Variants in ADGB observed in about 807,000 individuals in gnomAD.
The protein encoded by ADGB is androglobin, also known as calpain-7-like protein.
ADGB carries 172 observed loss-of-function variants against 210.5 expected under a neutral mutation model. The observed-to-expected ratio is 0.82, with a 90% CI of 0.72 to 0.93. The LOEUF is 0.93. ADGB is among the 40% of genes least tolerant of loss of function. The pLI, the probability that ADGB is intolerant of heterozygous loss-of-function variation, is 0.00. For synonymous variants in ADGB, 658 were observed against 662.7 expected (o/e 0.99, Z 0.11); for missense variants, 2,025 against 1,964.8 (o/e 1.03, Z -0.58).
At chr6:146,691,443 A>ATATATAT (rs1562275550) in intron 11 of ADGB, among the ~76,000 whole-genome samples, 153 bp downstream of exon 11, 1 of 21,284 alleles carries the variant, frequency 4.7e-5, no homozygotes, top group African/African-American at 3.7e-4. Flanking sequence ...TATATATATA[A>ATATATAT]AAATATATAT....
chr6:146,814,986 C>G (rs1163413118), intron 35 of ADGB, 46 bp from the exon 36 acceptor site: 4 of 1,493,690 alleles, frequency 2.7e-6, no homozygotes, highest in African/African-American at 1.4e-5. Context: ...GGAACATAAG[C>G]CTTTACCAGT....
chr6:146,624,221 G>C (rs1340227868), intron 1 of ADGB, among the ~76,000 whole-genome samples: 2 of 151,706 alleles, frequency 1.3e-5, no homozygotes, highest in African/African-American at 4.8e-5. Flanking sequence ...TTTGTGGAAA[G>C]ATTTTTAAGA....
At chr6:146,807,257 G>C (rs1198200081) in intron 35 of ADGB, 1 of 759,374 alleles carries the variant, frequency 1.3e-6, no homozygotes, top group African/African-American at 1.8e-5. Context: ...AAGCTTTTGA[G>C]ACCATACACT....
Position 146,815,044 on chromosome 6 carries a change from G to T in ADGB, c.4831G>T (p.Glu1611Ter). Residue 1611 changes from glutamate (E) to a stop codon, truncating the protein, a stop_gained, in exon 36 of 36, where the codon GAA becomes TAA. Coordinates refer to ENST00000397944, the MANE Select transcript of ADGB (RefSeq NM_024694.4). LOFTEE classifies it low-confidence loss of function (END_TRUNC). ...TGCTTTGGAACAGGACTCCTTAGAT[G>T]AAGCCCGACAGAAAATTTTCGACAT... ...MYKEMQDSLD[E>*]ARQKIFDIRE... 6.5e-7 allele frequency: 1 copy of T among 1,544,716 alleles called. No homozygotes were observed.
intron 29 of ADGB, among the ~76,000 whole-genome samples, chr6:146,781,438 C>T (rs545922701): frequency 6.7e-6 from 1 of 148,868 alleles, no homozygotes; most frequent in South Asian, 2.1e-4. Context: ...GAGAAGAAAT[C>T]ACAAGAGAAA....
rs149330972 is a variant in ADGB at position 146,599,209 on chromosome 6, G to A, written c.74+95G>A. 1.6e-3 allele frequency: 1,910 copies of A among 1,201,808 alleles called. 6 individuals are homozygous for A. The highest frequency in any genetic ancestry group is 2.0e-3 in the Non-Finnish European group (1,649 of 828,908). The allele number at this position is 1,201,808 out of a possible 1,614,324, so 74.4% of individuals were successfully genotyped here. A position where few individuals can be genotyped will look rare whatever the true frequency, so the allele number is the denominator to read the frequency against. ...GCCTCCCTGCAGCAAACTGTGCCAG[G>A]GCAGAAGTTTAGTGGCCTCCTCGCA... is the stretch of plus-strand genomic sequence containing the variant. On this transcript the variant is annotated intron_variant, in intron 1 of 35. Coordinates refer to ENST00000397944, the MANE Select transcript of ADGB (RefSeq NM_024694.4).
intron 32 of ADGB, 22 bp downstream of exon 32, chr6:146,785,734 A>C (rs1562300515): frequency 1.3e-6 from 2 of 1,504,260 alleles, no homozygotes; most frequent in Admixed American, 3.9e-5. Context: ...CTACCACCCC[A>C]GCTGCCTCAG....
At chr6:146,661,220 C>CTTTTTTTTTTTTTTTTTTTTTTTTTTTT in intron 5 of ADGB, among the ~76,000 whole-genome samples, 1 of 116,068 alleles carries the variant, frequency 8.6e-6, no homozygotes, top group Non-Finnish European at 1.7e-5. Context: ...TTCTTTTTTT[C>CTTTTTTTTTTTTTTTTTTTTTTTTTTTT]TTTTTTTTTT....
chr6:146,613,135 A>G (rs995177176), intron 1 of ADGB, among the ~76,000 whole-genome samples: 1 of 152,222 alleles, frequency 6.6e-6, no homozygotes, highest in Admixed American at 6.5e-5. Flanking sequence ...TTATTTGAGA[A>G]TAGAAACTGA....
chr6:146,667,021 A>T (rs2114897109), intron 7 of ADGB, 119 bp downstream of exon 7: 1 of 662,600 alleles, frequency 1.5e-6, no homozygotes, highest in Non-Finnish European at 2.5e-6. Context: ...AATTTGGGGG[A>T]AAATATCGTT....
chr6:146,732,704 TA>T (rs978988465), intron 20 of ADGB, among the ~76,000 whole-genome samples: 10 of 152,172 alleles, frequency 6.6e-5, no homozygotes, highest in African/African-American at 2.2e-4. Flanking sequence ...ATTAAGTGAT[TA>T]AAAAAACTCT....
At chr6:146,716,836 C>G in intron 14 of ADGB, 47 bp from the exon 15 acceptor site, 1 of 1,433,948 alleles carries the variant, frequency 7.0e-7, no homozygotes, top group African/African-American at 1.4e-5. Flanking sequence ...ATTTCAATAA[C>G]TTGTTATTTA....
chr6:146,661,225 T>TC (rs1267479835), intron 5 of ADGB, among the ~76,000 whole-genome samples: 1 of 144,564 alleles, frequency 6.9e-6, no homozygotes, highest in South Asian at 2.4e-4. Context: ...TTTTTCTTTT[T>TC]TTTTTTTTTT....
intron 29 of ADGB, among the ~76,000 whole-genome samples, chr6:146,773,350 C>G (rs1315823976): frequency 2.0e-5 from 3 of 151,792 alleles, no homozygotes; most frequent in East Asian, 1.9e-4. Context: ...AGTAATTTTA[C>G]TTTATCACTT....
At chr6:146,617,939 C>G (rs1359162177) in intron 1 of ADGB, among the ~76,000 whole-genome samples, 1 of 151,998 alleles carries the variant, frequency 6.6e-6, no homozygotes, top group African/African-American at 2.4e-5. Flanking sequence ...ACCTTAAATA[C>G]TAGTAGCTTA....
intron 2 of ADGB, among the ~76,000 whole-genome samples, chr6:146,640,713 C>T (rs1024190187): frequency 6.6e-6 from 1 of 151,922 alleles, no homozygotes. Flanking sequence ...ATTTGACACC[C>T]CTTCATGTAA....
intron 19 of ADGB, 139 bp from the exon 20 acceptor site, chr6:146,728,435 G>T (rs374687239): frequency 2.2e-5 from 20 of 912,480 alleles, no homozygotes; most frequent in African/African-American, 3.3e-5. Context: ...ATTTAGTAAA[G>T]CTACCTTGAT....
chr6:146,716,054 CAA>C lies in ADGB; in HGVS notation c.1741+657_1741+658del, dbSNP rs61093466. Among the ~76,000 whole-genome samples the C allele has an allele frequency of 8.7e-3, 843 of 96,888 alleles. 5 individuals are homozygous for C. Among genetic ancestry groups the C allele is most frequent in the African/African-American group, 0.026 (727 of 27,866 alleles). The allele number at this position is 96,888 out of a possible 152,430, so 63.6% of individuals were successfully genotyped here. On this transcript the variant is annotated intron_variant, in intron 14 of 35. Transcript: ENST00000397944. ...CTGCACTCCAGCCTGGACTCCGTCT[CAA>C]AAAAAAAAAAAAAAAAATGGTATGC...
chr6:146,687,930 T>G (rs1016005947), intron 10 of ADGB, among the ~76,000 whole-genome samples: 3 of 152,116 alleles, frequency 2.0e-5, no homozygotes, highest in African/African-American at 7.2e-5. Flanking sequence ...TTTTGAACTT[T>G]TGGTGTGCTA....
Sources: allele counts gnomAD v4.1 joint callset (sites outside exome capture counted in the v4.1 genomes callset), GRCh38; gene constraint gnomAD v4.1.1; transcripts MANE v1.5; gene names NCBI Gene and HGNC (gene_info 2026-07-23, HGNC 2026-07-21).